Variants in ZNF746 observed in about 807,000 individuals in gnomAD.
ZNF746 encodes the protein parkin-interacting substrate.
In ZNF746, 13 loss-of-function variants were observed where a neutral mutation model predicts 41.0. The observed-to-expected ratio is 0.32, with a 90% CI of 0.21 to 0.50. The LOEUF is 0.50. Among genes scored for constraint, ZNF746 ranks in the 20% least tolerant of loss-of-function variants. The pLI is 0.98. For synonymous variants in ZNF746, 424 were observed against 396.2 expected, an observed-to-expected ratio of 1.07 and a Z score of -0.83; for missense variants, 811 against 922.9, an observed-to-expected ratio of 0.88 and a Z score of 1.57.
chr7:149,473,146 G>C lies in ZNF746; in HGVS notation c.*1238C>G, dbSNP rs1197700311. On this transcript the variant is annotated 3_prime_UTR_variant, in exon 7 of 7. Coordinates refer to ENST00000458143, the MANE Select transcript of ZNF746 (RefSeq NM_001394198.1). ...ACTTGGCCCCCAAACCCAGCCTCGC[G>C]AGCTGTGCCCTCTGAGAGTGCACAC... 6.6e-6 allele frequency: 1 copy of C among 152,048 alleles called. No homozygotes were observed. The highest frequency in any genetic ancestry group is 1.5e-5 in the Non-Finnish European group (1 of 68,038). 9.4% of individuals were successfully genotyped at this position (152,048 alleles called of 1,614,324 possible). A position where few individuals can be genotyped will look rare whatever the true frequency, so the allele number is the denominator to read the frequency against.
Position 149,497,369 on chromosome 7 carries a change from C to T in ZNF746, c.24+144G>A. ...GGGCGCAGTAGGCCCCGGCGGACCC[C>T]GCGCCCCATTCGCGGGAGCCCCAGG... On this transcript the variant is annotated intron_variant, in intron 1 of 6. Coordinates refer to ENST00000458143, the MANE Select transcript of ZNF746 (RefSeq NM_001394198.1). This position sits in a 1 kb window ranked among gnomAD's most constrained non-coding sequence, Gnocchi z 4.2. 6.0e-6 allele frequency: 6 copies of T among 993,158 alleles called. No homozygotes were observed. The highest frequency in any genetic ancestry group is 7.2e-6 in the Non-Finnish European group (6 of 830,926). 61.5% of individuals were successfully genotyped at this position (993,158 alleles called of 1,614,324 possible).
Position 149,494,174 on chromosome 7 carries a change from C to T in ZNF746, c.324+30G>A, listed in dbSNP as rs757818161. ...ACGCTCACGGGTTTGGCCGCTTGGG[C>T]TCCCACACCCCAAGGCGTCCCAGGG... On this transcript the variant is annotated intron_variant, in intron 2 of 6. Transcript: ENST00000458143. The surrounding 1 kb of genome is among the most constrained non-coding windows in gnomAD (Gnocchi z 5.6). 11 of 1,613,548 alleles carry T rather than the reference C, an allele frequency of 6.8e-6. No homozygotes were observed. Among genetic ancestry groups the T allele is most frequent in the East Asian group, 2.2e-5 (1 of 44,878 alleles).
rs1224702872 is a variant in ZNF746 at position 149,473,472 on chromosome 7, G to C, written c.*912C>G. The C allele has an allele frequency of 6.6e-6, 1 of 152,254 alleles. No homozygotes were observed. The highest frequency in any genetic ancestry group is 1.9e-4 in the East Asian group (1 of 5,188). The allele number at this position is 152,254 out of a possible 1,614,324, so 9.4% of individuals were successfully genotyped here. On this transcript the variant is annotated 3_prime_UTR_variant, in exon 7 of 7. Coordinates refer to ENST00000458143, the MANE Select transcript of ZNF746 (RefSeq NM_001394198.1). The stretch of plus-strand genomic sequence containing the variant: ...CAAGGTCACAGTAATGATCAAATGA[G>C]ATGCATTTTGAAAATAAGAAACTAC...
rs55888950 is a variant in ZNF746, at chr7:149,476,313, CAAAAAAAAAAA to C, written c.883+598_883+608del. On this transcript the variant is annotated intron_variant, in intron 6 of 6. Transcript: ENST00000458143. ...TGGGGGACAGAGTGAGACTCCGCCT[CAAAAAAAAAAA>C]AAAAAAAAAAAAAAAAAAAGAATGT... 5.5e-4 allele frequency among the ~76,000 whole-genome samples: 35 copies of C among 63,328 alleles called. 1 individual carries two copies. The highest frequency in any genetic ancestry group is 3.1e-3 in the East Asian group (7 of 2,244). 41.5% of individuals were successfully genotyped at this position (63,328 alleles called of 152,430 possible).
Position 149,474,535 on chromosome 7 carries a change from G to A in ZNF746, c.1832C>T (p.Pro611Leu). The A allele has an allele frequency of 6.2e-7, 1 of 1,607,208 alleles. No individual in the cohort carries two copies. Among genetic ancestry groups the A allele is most frequent in the Non-Finnish European group, 8.5e-7 (1 of 1,177,124 alleles). The change falls in exon 7 of 7, where the codon CCG becomes CTG. Residue 611 changes from proline to leucine, a missense_variant. By Grantham distance (98) the Pro-to-Leu change is moderately conservative (BLOSUM62 -3). This residue lies in a region of ZNF746 where 99 missense variants were observed against 80.3 expected (regional missense o/e 1.23). Transcript: ENST00000458143. The surrounding 1 kb of genome is among the most constrained non-coding windows in gnomAD (Gnocchi z 6.3). ...QRNHAAGAKT[P>L]ARGQPLPTPP... The stretch of plus-strand genomic sequence containing the variant: ...CGTCGGGAGTGGCTGGCCTCGGGCC[G>A]GGGTCTTGGCGCCCGCTGCATGGTT...
intron 4 of ZNF746, 167 bp from the exon 5 acceptor site, chr7:149,477,922 G>A (rs762943173): frequency 3.6e-6 from 2 of 550,474 alleles, no homozygotes; most frequent in African/African-American, 1.9e-5. Context: ...CTAGGGCAGA[G>A]CCTGAGGTCA....
intron 6 of ZNF746, among the ~76,000 whole-genome samples, chr7:149,476,314 A>G (rs1800300225): frequency 4.9e-5 from 1 of 20,434 alleles, no homozygotes; most frequent in South Asian, 1.6e-3. Context: ...ACTCCGCCTC[A>G]AAAAAAAAAA....
Position 149,474,676 on chromosome 7 carries a change from G to C in ZNF746, c.1691C>G (p.Thr564Ser), listed in dbSNP as rs1402113319. 1 of 1,613,334 alleles carries C rather than the reference G, an allele frequency of 6.2e-7. No homozygotes were observed. Among genetic ancestry groups the C allele is most frequent in the South Asian group, 1.1e-5 (1 of 91,040 alleles). ...FPCTECEKRF[T>S]ERSKLIDHYR... ...GTGGTCGATGAGCTTGGAGCGTTCGGTGAAGCGCTTCTCACACTCGGTGCA... is the reference window on the plus strand; with the variant it reads ...GTGGTCGATGAGCTTGGAGCGTTCGCTGAAGCGCTTCTCACACTCGGTGCA... The change falls in exon 7 of 7, where the codon ACC (threonine) becomes AGC (serine). Residue 564 changes from threonine (T) to serine (S), a missense_variant. This residue lies in a region of ZNF746 where 70 missense variants were observed against 127.6 expected (regional missense o/e 0.55). Transcript: ENST00000458143. This position sits in a 1 kb window ranked among gnomAD's most constrained non-coding sequence, Gnocchi z 6.3.
chr7:149,474,683 G>A lies in ZNF746; in HGVS notation c.1684C>T (p.Arg562Cys). ...RPFPCTECEKRFTERSKLIDH... is the reference protein window; with the variant it reads ...RPFPCTECEKCFTERSKLIDH... ...ATGAGCTTGGAGCGTTCGGTGAAGC[G>A]CTTCTCACACTCGGTGCAGGGGAAG... The change falls in exon 7 of 7, where the codon CGC becomes TGC. Residue 562 changes from arginine (R) to cysteine (C), a missense_variant. Arg to Cys is a radical substitution (Grantham distance 180). This residue lies in a region of ZNF746 where 70 missense variants were observed against 127.6 expected (regional missense o/e 0.55). Coordinates refer to ENST00000458143, the MANE Select transcript of ZNF746 (RefSeq NM_001394198.1). The surrounding 1 kb of genome is among the most constrained non-coding windows in gnomAD (Gnocchi z 6.3). The A allele has an allele frequency of 6.2e-7, 1 of 1,613,034 alleles. No homozygotes were observed. Among genetic ancestry groups the A allele is most frequent in the Non-Finnish European group, 8.5e-7 (1 of 1,179,726 alleles).
chr7:149,497,308 C>A lies in ZNF746; in HGVS notation c.24+205G>T. ...GGGGCGGGGACAACCGTTCCGCCAGCGCTCGGGTTCGGCTCGGAGTGGGGG... is the reference window on the plus strand; with the variant it reads ...GGGGCGGGGACAACCGTTCCGCCAGAGCTCGGGTTCGGCTCGGAGTGGGGG... On this transcript the variant is annotated intron_variant, in intron 1 of 6. Transcript: ENST00000458143. This position sits in a 1 kb window ranked among gnomAD's most constrained non-coding sequence, Gnocchi z 4.2. The A allele has an allele frequency of 1.0e-6, 1 of 985,082 alleles. No individual in the cohort carries two copies. The highest frequency in any genetic ancestry group is 1.2e-6 in the Non-Finnish European group (1 of 829,738). The allele number at this position is 985,082 out of a possible 1,614,324, so 61.0% of individuals were successfully genotyped here. A position where few individuals can be genotyped will look rare whatever the true frequency, so the allele number is the denominator to read the frequency against.
At chr7:149,496,232 CA>C (rs1294952405) in intron 1 of ZNF746, among the ~76,000 whole-genome samples, 1 of 152,220 alleles carries the variant, frequency 6.6e-6, no homozygotes, top group African/African-American at 2.4e-5. Flanking sequence ...CAACAAGGTG[CA>C]TGGTTTTCTT....
chr7:149,490,641 G>A (rs191418702), intron 4 of ZNF746: 16 of 152,914 alleles, frequency 1.0e-4, no homozygotes, highest in Non-Finnish European at 1.5e-5. Flanking sequence ...GCAGGAGGCG[G>A]CCAGGGAGTG....
chr7:149,485,273 A>G (rs550801984), intron 4 of ZNF746, among the ~76,000 whole-genome samples: 9 of 152,258 alleles, frequency 5.9e-5, no homozygotes, highest in Non-Finnish European at 1.2e-4. Context: ...TTCACAGATA[A>G]CATGACTGAA....
intron 1 of ZNF746, chr7:149,496,706 G>A (rs1801007785): frequency 1.8e-6 from 1 of 542,198 alleles, no homozygotes; most frequent in South Asian, 8.0e-5. Flanking sequence ...CAGAGGCGCA[G>A]AGCATCAGGC....
chr7:149,484,077 C>G (rs931387530), intron 4 of ZNF746, among the ~76,000 whole-genome samples: 2 of 152,074 alleles, frequency 1.3e-5, no homozygotes, highest in African/African-American at 4.8e-5. Context: ...AAAAATCTTC[C>G]CCACAAAGAA....
At chr7:149,490,938 G>A (rs911237344) in intron 4 of ZNF746, 1 of 152,616 alleles carries the variant, frequency 6.6e-6, no homozygotes, top group Admixed American at 6.5e-5. Context: ...GACAGAGGCA[G>A]GGAAGAGGAT....
rs763881010 is a variant in ZNF746 at position 149,492,952 on chromosome 7, C to T, written c.472G>A (p.Glu158Lys). 1.2e-6 allele frequency: 2 copies of T among 1,613,960 alleles called. No individual in the cohort carries two copies. The highest frequency in any genetic ancestry group is 1.7e-5 in the Admixed American group (1 of 60,004). Residue 158 changes from glutamate to lysine, a missense_variant, in exon 4 of 7, where the codon GAG becomes AAG. Glu to Lys is a moderately conservative substitution (Grantham distance 56). Transcript: ENST00000458143. Reference protein sequence around the residue: ...VSLDYAISKPEVLSQIEQGKE... With the variant: ...VSLDYAISKPKVLSQIEQGKE... ...CCTTGTTCAATCTGGGAGAGGACCTCGGGCTTGGAGATGGCGTAGTCTGAG... is the reference window on the plus strand; with the variant it reads ...CCTTGTTCAATCTGGGAGAGGACCTTGGGCTTGGAGATGGCGTAGTCTGAG...
chr7:149,486,938 G>A (rs145546057), intron 4 of ZNF746, among the ~76,000 whole-genome samples: 2 of 152,262 alleles, frequency 1.3e-5, no homozygotes, highest in East Asian at 3.9e-4. Context: ...TAAAACAGGG[G>A]TCCCCATGCC....
chr7:149,475,022 C>T lies in ZNF746; in HGVS notation c.1345G>A (p.Gly449Ser), dbSNP rs1006865764. 113 of 1,555,054 alleles carry T rather than the reference C, an allele frequency of 7.3e-5. No homozygotes were observed. Among genetic ancestry groups the T allele is most frequent in the Non-Finnish European group, 8.6e-5 (99 of 1,149,682 alleles). The stretch of plus-strand genomic sequence containing the variant: ...TTCAGCCCTGGCTTGTGGCCAAAGC[C>T]TTTGGTCCGGCCAGGGTATTTACAG... ...EPCKYPGRTKGFGHKPGLKKH... is the reference protein window; with the variant it reads ...EPCKYPGRTKSFGHKPGLKKH... Residue 449 changes from glycine to serine, a missense_variant, in exon 7 of 7, where the codon GGC becomes AGC. Gly to Ser is a moderately conservative substitution (Grantham distance 56, BLOSUM62 0). This residue lies in a region of ZNF746 where 495 missense variants were observed against 481.6 expected (regional missense o/e 1.03). Transcript: ENST00000458143.
Sources: gnomAD v4.1 joint callset for allele counts (sites outside exome capture counted in the v4.1 genomes callset) on GRCh38, gnomAD v4.1.1 for gene constraint, gnomAD v4.1.1 regional missense constraint, Gnocchi (gnomAD v3.1) non-coding constraint, MANE v1.5 for transcripts, NCBI Gene and HGNC (gene_info 2026-07-23, HGNC 2026-07-21) for gene names.